OTOGL: variants seen among roughly 807,000 people sequenced by gnomAD.
OTOGL encodes the protein otogelin-like protein.
A neutral mutation model predicts 318.5 loss-of-function variants in OTOGL; 285 were observed. That is an observed-to-expected ratio of 0.89 (90% CI 0.81 to 0.99). The LOEUF (loss-of-function observed/expected upper bound fraction) is 0.99, where lower values mean the gene tolerates loss of function less well. Ranked by LOEUF, OTOGL falls within the 50% of genes least tolerant of loss-of-function variation. The pLI is 0.00. For missense variants in OTOGL, 2,899 were observed against 2,845.6 expected (o/e 1.02, Z -0.43); for synonymous variants, 987 against 936.5 (o/e 1.05, Z -0.99).
chr12:80,257,810 G>A lies in OTOGL; in HGVS notation c.1712-15G>A. On this transcript the variant is annotated splice_polypyrimidine_tract_variant and intron_variant, in intron 17 of 58. Coordinates refer to ENST00000547103, the MANE Select transcript of OTOGL (RefSeq NM_001378609.3). ...TGAATGTCAAAGCTGATTTACGTAT[G>A]TTCTTTTCCTGCAGGTATTGTTGAA... is the stretch of plus-strand genomic sequence containing the variant. 1 of 1,552,234 alleles carries A rather than the reference G, an allele frequency of 6.4e-7. No homozygotes were observed. The highest frequency in any genetic ancestry group is 1.4e-5 in the African/African-American group (1 of 73,450).
intron 1 of OTOGL, among the ~76,000 whole-genome samples, chr12:80,153,068 G>C (rs1872888150): frequency 6.6e-6 from 1 of 152,186 alleles, no homozygotes; most frequent in Non-Finnish European, 1.5e-5. Context: ...GCAAAATTGA[G>C]AGAAAGATAC....
At position 80,367,656 on chromosome 12, in the gene OTOGL, G is replaced by A; in HGVS notation, c.6427G>A (p.Glu2143Lys). ...GGAAGAAGACTTTTGTTATGCTATA[G>A]AGTGTCTGGAAGAAAAAGATAACCA... ...YLEEDFCYAI[E>K]CLEEKDNHTG... is the part of the protein sequence containing the mutation. Residue 2143 changes from glutamate (E) to lysine (K), a missense_variant, in exon 54 of 59, where the codon GAG (glutamate) becomes AAG (lysine). Glu to Lys is a moderately conservative substitution (Grantham distance 56). Around this residue, in one of 3 missense-constraint regions of OTOGL, gnomAD observed 289 missense variants for 304.6 expected, o/e 0.95. Transcript: ENST00000547103. The A allele has an allele frequency of 6.7e-7, 1 of 1,502,482 alleles. No homozygotes were observed. The highest frequency in any genetic ancestry group is 8.9e-7 in the Non-Finnish European group (1 of 1,118,000). 93.1% of individuals were successfully genotyped at this position (1,502,482 alleles called of 1,614,324 possible).
At chr12:80,226,543 C>A (rs1031086194) in intron 7 of OTOGL, among the ~76,000 whole-genome samples, 1 of 152,104 alleles carries the variant, frequency 6.6e-6, no homozygotes, top group Non-Finnish European at 1.5e-5. Flanking sequence ...TCCTTCCCAT[C>A]TTTCAATCCA....
chr12:80,128,116 C>G (rs1179704025), intron 1 of OTOGL, among the ~76,000 whole-genome samples: 3 of 152,208 alleles, frequency 2.0e-5, no homozygotes, highest in African/African-American at 7.2e-5. Context: ...GAGAGGAGCT[C>G]TGATTTTTAG....
chr12:80,275,972 T>TGC (rs1883777301), intron 24 of OTOGL, among the ~76,000 whole-genome samples: 3 of 1,420 alleles, frequency 2.1e-3, no homozygotes, highest in African/African-American at 4.7e-3. Flanking sequence ...TCTGCTTTAT[T>TGC]GACTTGCTTT....
At chr12:80,108,075 C>T (rs1357762131) in intron 1 of OTOGL, among the ~76,000 whole-genome samples, 1 of 152,054 alleles carries the variant, frequency 6.6e-6, no homozygotes, top group Non-Finnish European at 1.5e-5. Context: ...AACAAACCTG[C>T]ACATGTACCC....
At chr12:80,169,456 C>G (rs111322539) in intron 1 of OTOGL, among the ~76,000 whole-genome samples, 1 of 152,162 alleles carries the variant, frequency 6.6e-6, no homozygotes, top group Non-Finnish European at 1.5e-5. Flanking sequence ...TGCTCCTTCT[C>G]GTTTACTAAT....
chr12:80,201,236 GAATACCTGAGACTGGGC>G (rs1439151718), intron 1 of OTOGL, among the ~76,000 whole-genome samples: 6 of 152,142 alleles, frequency 3.9e-5, no homozygotes, highest in Non-Finnish European at 8.8e-5. Flanking sequence ...TTTTATAAAG[GAATACCTGAGACTGGGC>G]AATTTACAAA....
Position 80,103,176 on chromosome 12 carries a change from T to C in OTOGL, c.-20+3571T>C, listed in dbSNP as rs1869244086. ...GTGTCCTCGTACAACCTGAACTTCA[T>C]CGTCCTTTCGGATGGGCATGGATCG... is the stretch of plus-strand genomic sequence containing the variant. On this transcript the variant is annotated intron_variant, in intron 1 of 58. Transcript: ENST00000547103. 4 of 1,349,524 alleles carry C rather than the reference T, an allele frequency of 3.0e-6. No individual in the cohort carries two copies. In the Admixed American group the frequency reaches 5.0e-5, roughly 17 times the overall value. 83.6% of individuals were successfully genotyped at this position (1,349,524 alleles called of 1,614,324 possible). A position where few individuals can be genotyped will look rare whatever the true frequency, so the allele number is the denominator to read the frequency against.
At chr12:80,148,592 T>C (rs1441529597) in intron 1 of OTOGL, among the ~76,000 whole-genome samples, 10 of 151,974 alleles carry the variant, frequency 6.6e-5, no homozygotes, top group African/African-American at 2.2e-4. Flanking sequence ...TGAATCTGAA[T>C]GTTGGCCTGC....
chr12:80,155,607 T>G (rs1385073435), intron 1 of OTOGL, among the ~76,000 whole-genome samples: 1 of 152,234 alleles, frequency 6.6e-6, no homozygotes, highest in Non-Finnish European at 1.5e-5. Flanking sequence ...CACTTATCCT[T>G]TGTGTTACAA....
At chr12:80,256,313 AT>A (rs1361796707) in intron 16 of OTOGL, 23 bp from the exon 17 acceptor site, 1 of 1,584,852 alleles carries the variant, frequency 6.3e-7, no homozygotes, top group African/African-American at 1.4e-5. Flanking sequence ...CATTCCTTGC[AT>A]TGATAATTTG....
intron 1 of OTOGL, among the ~76,000 whole-genome samples, chr12:80,169,097 A>C (rs1874019045): frequency 1.3e-5 from 2 of 152,160 alleles, no homozygotes; most frequent in African/African-American, 4.8e-5. Context: ...CTCAGTTTCT[A>C]ACAGTGTACA....
chr12:80,321,846 C>G (rs1887355345), intron 34 of OTOGL, among the ~76,000 whole-genome samples: 1 of 152,164 alleles, frequency 6.6e-6, no homozygotes, highest in African/African-American at 2.4e-5. Flanking sequence ...ACTTAACAGA[C>G]AGGCAGCAAG....
intron 19 of OTOGL, among the ~76,000 whole-genome samples, chr12:80,263,611 C>T (rs759978113): frequency 5.9e-5 from 9 of 152,010 alleles, no homozygotes; most frequent in Non-Finnish European, 1.3e-4. Context: ...CACATGGACC[C>T]TAAACCACAC....
chr12:80,266,502 T>C lies in OTOGL; in HGVS notation c.2276T>C (p.Leu759Pro). 1.9e-6 allele frequency: 3 copies of C among 1,613,570 alleles called. No individual in the cohort carries two copies. The highest frequency in any genetic ancestry group is 2.5e-6 in the Non-Finnish European group (3 of 1,179,678). ...MLYHHCSSFCLHSCISLSSPE... is the reference protein window; with the variant it reads ...MLYHHCSSFCPHSCISLSSPE... ...TACCATCACTGTTCCTCGTTCTGCC[T>C]CCATTCCTGCATTTCTCTCTCTTCC... Residue 759 changes from leucine (L) to proline (P), a missense_variant, in exon 21 of 59, where the codon CTC becomes CCC. Physicochemically the swap from Leu to Pro is moderately conservative, Grantham distance 98. Coordinates refer to ENST00000547103, the MANE Select transcript of OTOGL (RefSeq NM_001378609.3).
chr12:80,322,013 A>G (rs1887366828), intron 34 of OTOGL, among the ~76,000 whole-genome samples: 1 of 152,190 alleles, frequency 6.6e-6, no homozygotes, highest in African/African-American at 2.4e-5. Context: ...GTGCAACTGG[A>G]ATCACCGAGC....
At chr12:80,156,631 T>C (rs1873139614) in intron 1 of OTOGL, among the ~76,000 whole-genome samples, 1 of 152,162 alleles carries the variant, frequency 6.6e-6, no homozygotes. Flanking sequence ...TCTCATGAGA[T>C]CTGATCATTT....
At chr12:80,317,642 A>G (rs188948356) in intron 32 of OTOGL, among the ~76,000 whole-genome samples, 1 of 152,274 alleles carries the variant, frequency 6.6e-6, no homozygotes, top group African/African-American at 2.4e-5. Flanking sequence ...CTACATATTT[A>G]TACTTTGAAG....
Sources: allele counts gnomAD v4.1 joint callset (sites outside exome capture counted in the v4.1 genomes callset), GRCh38; gene constraint gnomAD v4.1.1; regional missense constraint gnomAD v4.1.1; transcripts MANE v1.5; gene names NCBI Gene and HGNC (gene_info 2026-07-23, HGNC 2026-07-21).